Variants in DGKB observed in about 807,000 individuals in gnomAD.
DGKB encodes diacylglycerol kinase beta, also known as 90 kDa diacylglycerol kinase.
Under a neutral mutation model 114.3 loss-of-function variants are expected in DGKB, and 67 were observed. The observed-to-expected ratio is 0.59, with a 90% CI of 0.48 to 0.72. The LOEUF (loss-of-function observed/expected upper bound fraction) is 0.72. DGKB is among the 30% of genes least tolerant of loss of function. DGKB has a pLI of 0.00. For missense variants in DGKB, 907 were observed against 975.2 expected (o/e 0.93, Z 0.93); for synonymous variants, 398 against 323.1 (o/e 1.23, Z -2.49).
At chr7:14,725,006 TA>T (rs908851833) in intron 5 of DGKB, among the ~76,000 whole-genome samples, 8 of 151,788 alleles carry the variant, frequency 5.3e-5, no homozygotes, top group South Asian at 2.1e-4. Flanking sequence ...TTCATCTCTA[TA>T]AAAAAAAATT....
chr7:14,861,672 A>T (rs1329037304), intron 1 of DGKB, among the ~76,000 whole-genome samples: 1 of 151,780 alleles, frequency 6.6e-6, no homozygotes, highest in Non-Finnish European at 1.5e-5. Context: ...TTTACCACCT[A>T]TTATGGCCTG....
At chr7:14,915,272 G>A (rs10251405) in intron 1 of DGKB, among the ~76,000 whole-genome samples, 1,668 of 152,192 alleles carry the variant, frequency 0.011, 32 homozygotes, top group African/African-American at 0.039. Context: ...CAGCTACTTG[G>A]GAGGCTGGAA....
At chr7:14,681,541 G>C (rs1820839962) in intron 12 of DGKB, among the ~76,000 whole-genome samples, 1 of 151,898 alleles carries the variant, frequency 6.6e-6, no homozygotes. Context: ...AGTGGAGACA[G>C]TTATTTACTT....
intron 12 of DGKB, among the ~76,000 whole-genome samples, chr7:14,680,140 T>G (rs1225357031): frequency 6.6e-6 from 1 of 151,960 alleles, no homozygotes; most frequent in Non-Finnish European, 1.5e-5. Context: ...AGCCTTTTTT[T>G]TTCTTTCTGA....
At chr7:14,778,406 T>A (rs1838542283) in intron 2 of DGKB, among the ~76,000 whole-genome samples, 1 of 152,144 alleles carries the variant, frequency 6.6e-6, no homozygotes, top group Admixed American at 6.5e-5. Flanking sequence ...AAACAGTCAT[T>A]TTTATGTGCT....
chr7:14,602,938 C>T (rs1232538597), intron 17 of DGKB, among the ~76,000 whole-genome samples: 2 of 152,174 alleles, frequency 1.3e-5, no homozygotes, highest in African/African-American at 4.8e-5. Context: ...AGTCTAATTG[C>T]TATTTGGCCT....
rs199860164 is a variant in DGKB at position 14,559,977 on chromosome 7, C to CT, written c.1770+14234dup. Among the ~76,000 whole-genome samples the CT allele has an allele frequency of 1.7e-4, 25 of 150,518 alleles. 1 individual carries two copies. The East Asian group carries it at 4.8e-3, about 29-fold the overall frequency. On this transcript the variant is annotated intron_variant, in intron 20 of 25. Transcript: ENST00000402815. ...CTTCCCTCCCTTTCTCCCTCCCTTC[C>CT]TTTTTGCCTTCCTCTCTTTTTCTTT...
At chr7:14,769,262 G>GAAAGAAAGAA (rs1837039473) in intron 2 of DGKB, among the ~76,000 whole-genome samples, 1 of 86,736 alleles carries the variant, frequency 1.2e-5, no homozygotes, top group Admixed American at 1.4e-4. Flanking sequence ...AAGAAAGAAA[G>GAAAGAAAGAA]AAAGAAAGAA....
chr7:14,915,983 A>G (rs1784220187), intron 1 of DGKB, among the ~76,000 whole-genome samples: 1 of 152,144 alleles, frequency 6.6e-6, no homozygotes, highest in Non-Finnish European at 1.5e-5. Flanking sequence ...TATTCAACAT[A>G]ATAAGAATAA....
intron 25 of DGKB, among the ~76,000 whole-genome samples, chr7:14,162,376 T>C (rs1333165710): frequency 6.6e-6 from 1 of 152,244 alleles, no homozygotes; most frequent in Non-Finnish European, 1.5e-5. Context: ...ATATTGGTCC[T>C]CTTGCAAACT....
At chr7:14,241,907 C>A (rs1793699826) in intron 23 of DGKB, among the ~76,000 whole-genome samples, 1 of 150,452 alleles carries the variant, frequency 6.6e-6, no homozygotes. Context: ...AGACAAATTG[C>A]ATCAAGATAT....
chr7:14,706,835 A>G (rs1826333793), intron 6 of DGKB, among the ~76,000 whole-genome samples: 1 of 117,518 alleles, frequency 8.5e-6, no homozygotes, highest in Non-Finnish European at 1.7e-5. Context: ...AGGGAAATTT[A>G]TAGCACTAAA....
chr7:14,833,888 G>A (rs779175394), intron 2 of DGKB, among the ~76,000 whole-genome samples: 11 of 151,918 alleles, frequency 7.2e-5, no homozygotes, highest in African/African-American at 1.5e-4. Context: ...ATCCATATGC[G>A]CAGAGTTAAA....
At chr7:14,582,819 T>C (rs1427610880) in intron 18 of DGKB, among the ~76,000 whole-genome samples, 1 of 152,184 alleles carries the variant, frequency 6.6e-6, no homozygotes, top group Non-Finnish European at 1.5e-5. Context: ...GAAAATTTGG[T>C]AAACACTGTA....
intron 20 of DGKB, among the ~76,000 whole-genome samples, chr7:14,534,314 A>C (rs1346272137): frequency 1.3e-5 from 2 of 152,070 alleles, no homozygotes; most frequent in African/African-American, 4.8e-5. Context: ...TGCAAAAGAC[A>C]AAGAGGAAAA....
intron 13 of DGKB, among the ~76,000 whole-genome samples, chr7:14,642,747 A>G (rs567628293): frequency 2.6e-5 from 4 of 152,306 alleles, no homozygotes; most frequent in Admixed American, 1.3e-4. Flanking sequence ...CAAACTTACT[A>G]CATTTTATTT....
At chr7:14,537,338 C>T (rs1021429535) in intron 20 of DGKB, among the ~76,000 whole-genome samples, 4 of 151,726 alleles carry the variant, frequency 2.6e-5, no homozygotes, top group African/African-American at 4.8e-5. Context: ...CATACAGAAC[C>T]ACAAAAGACC....
At chr7:14,389,651 CA>C (rs1438767671) in intron 21 of DGKB, among the ~76,000 whole-genome samples, 2 of 152,296 alleles carry the variant, frequency 1.3e-5, no homozygotes, top group Admixed American at 6.5e-5. Context: ...CGAAATCAAT[CA>C]AAAACCTGTA....
At chr7:14,178,182 A>C in intron 23 of DGKB, 31 bp from the exon 24 acceptor site, 2 of 1,611,742 alleles carry the variant, frequency 1.2e-6, no homozygotes, top group Admixed American at 1.7e-5. Flanking sequence ...TTTAAGTTGC[A>C]ATGTGTATAC....
Sources: allele counts gnomAD v4.1 joint callset (sites outside exome capture counted in the v4.1 genomes callset), GRCh38; gene constraint gnomAD v4.1.1; transcripts MANE v1.5; gene names NCBI Gene and HGNC (gene_info 2026-07-23, HGNC 2026-07-21).